Variants in SPIRE1 observed in about 807,000 individuals in gnomAD.
SPIRE1 encodes spire type actin nucleation factor 1.
In SPIRE1, 40 loss-of-function variants were observed where a neutral mutation model predicts 94.1. The ratio of observed to expected loss-of-function variants is 0.43; its 90% CI spans 0.33 to 0.55. SPIRE1 has a LOEUF of 0.55. Ranked by LOEUF, SPIRE1 falls within the 20% of genes least tolerant of loss-of-function variation. The probability of loss-of-function intolerance (pLI) is 0.06; values close to 1 mark genes in which losing one functional copy is unlikely to be tolerated. For synonymous variants in SPIRE1, 376 were observed against 371.7 expected (o/e 1.01, Z -0.13); for missense variants, 838 against 975.2 (o/e 0.86, Z 1.87).
intron 5 of SPIRE1, 85 bp downstream of exon 5, chr18:12,512,369 A>T: frequency 1.1e-6 from 1 of 947,578 alleles, no homozygotes; most frequent in Non-Finnish European, 1.6e-6. Flanking sequence ...CCTGAGCAAC[A>T]GAATGAGACT....
chr18:12,612,708 T>C (rs2037177632), intron 2 of SPIRE1, among the ~76,000 whole-genome samples: 1 of 152,210 alleles, frequency 6.6e-6, no homozygotes, highest in South Asian at 2.1e-4. Flanking sequence ...CTCCCCTGAC[T>C]ACATATCCTA....
chr18:12,563,204 A>AC (rs1472661806), intron 2 of SPIRE1, among the ~76,000 whole-genome samples: 1 of 145,594 alleles, frequency 6.9e-6, no homozygotes, highest in Non-Finnish European at 1.5e-5. Flanking sequence ...TTCTATACTC[A>AC]TTAAAAAAAA....
At chr18:12,474,732 T>C (rs1334993892) in intron 10 of SPIRE1, among the ~76,000 whole-genome samples, 2 of 152,006 alleles carry the variant, frequency 1.3e-5, no homozygotes, top group African/African-American at 2.4e-5. Context: ...TGAAGCAGAA[T>C]TGCTTGAACC....
intron 5 of SPIRE1, among the ~76,000 whole-genome samples, chr18:12,509,861 T>C (rs1169008614): frequency 6.6e-6 from 1 of 151,982 alleles, no homozygotes; most frequent in Non-Finnish European, 1.5e-5. Flanking sequence ...GGCGGGCGGA[T>C]CACCAGGTAG....
intron 2 of SPIRE1, among the ~76,000 whole-genome samples, chr18:12,575,418 T>C (rs2036069981): frequency 6.6e-6 from 1 of 152,192 alleles, no homozygotes; most frequent in Non-Finnish European, 1.5e-5. Context: ...CAGGGTGGGG[T>C]GCAGTAGCAT....
chr18:12,631,584 T>TAAAAAAA, intron 2 of SPIRE1, among the ~76,000 whole-genome samples: 1 of 73,386 alleles, frequency 1.4e-5, no homozygotes, highest in Non-Finnish European at 2.9e-5. Context: ...AACATAAAAA[T>TAAAAAAA]AAAAAAACAG....
At chr18:12,616,510 C>T (rs1313750820) in intron 2 of SPIRE1, among the ~76,000 whole-genome samples, 2 of 152,132 alleles carry the variant, frequency 1.3e-5, no homozygotes, top group African/African-American at 4.8e-5. Flanking sequence ...AGAGCAGCCA[C>T]AAGAGAAGAG....
At chr18:12,469,759 T>C (rs909279684) in intron 10 of SPIRE1, among the ~76,000 whole-genome samples, 1 of 145,280 alleles carries the variant, frequency 6.9e-6, no homozygotes, top group Non-Finnish European at 1.5e-5. Flanking sequence ...TAATTATATA[T>C]ATACACATAT....
chr18:12,474,485 C>T (rs2032483741), intron 10 of SPIRE1, among the ~76,000 whole-genome samples: 1 of 152,154 alleles, frequency 6.6e-6, no homozygotes, highest in African/African-American at 2.4e-5. Flanking sequence ...TGACACTGTA[C>T]TTCTGTGTAA....
At chr18:12,556,036 C>A (rs2035493963) in intron 2 of SPIRE1, among the ~76,000 whole-genome samples, 1 of 151,542 alleles carries the variant, frequency 6.6e-6, no homozygotes, top group African/African-American at 2.4e-5. Context: ...AGCAAACAAG[C>A]TGAAAAAGAA....
chr18:12,551,526 C>T (rs1446387720), intron 2 of SPIRE1, among the ~76,000 whole-genome samples: 1 of 151,998 alleles, frequency 6.6e-6, no homozygotes, highest in African/African-American at 2.4e-5. Flanking sequence ...ACGGAGAAAC[C>T]CTGTGTCTAC....
intron 2 of SPIRE1, among the ~76,000 whole-genome samples, chr18:12,569,147 T>C (rs1225486784): frequency 1.3e-5 from 2 of 152,156 alleles, no homozygotes; most frequent in Non-Finnish European, 2.9e-5. Context: ...GAGACCATCC[T>C]GGCTAACACG....
chr18:12,539,008 G>A (rs1257770771), intron 3 of SPIRE1, among the ~76,000 whole-genome samples: 5 of 152,078 alleles, frequency 3.3e-5, no homozygotes, highest in Admixed American at 6.5e-5. Context: ...AGTCTACATG[G>A]TTCTTCTTCA....
At chr18:12,469,666 TTA>T (rs539192402) in intron 10 of SPIRE1, among the ~76,000 whole-genome samples, 288 of 143,834 alleles carry the variant, frequency 2.0e-3, no homozygotes, top group Non-Finnish European at 3.0e-3. Flanking sequence ...TACATATAAT[TTA>T]TATATTATAT....
At chr18:12,514,453 A>ATT (rs370295067) in intron 4 of SPIRE1, among the ~76,000 whole-genome samples, 1 of 147,210 alleles carries the variant, frequency 6.8e-6, no homozygotes, top group Non-Finnish European at 1.5e-5. Context: ...GGAAAGAAGA[A>ATT]TTTTTTTTTT....
chr18:12,533,203 T>C (rs1228915302), intron 4 of SPIRE1, among the ~76,000 whole-genome samples: 1 of 152,058 alleles, frequency 6.6e-6, no homozygotes, highest in Non-Finnish European at 1.5e-5. Flanking sequence ...AGTCTTGGGG[T>C]GGTGACAGAG....
At chr18:12,495,945 G>A in intron 7 of SPIRE1, 71 bp downstream of exon 7, 1 of 1,192,962 alleles carries the variant, frequency 8.4e-7, no homozygotes, top group Non-Finnish European at 1.2e-6. Context: ...CTGAGTTCTA[G>A]AGATGACACC....
At chr18:12,544,916 T>C (rs2035118949) in intron 3 of SPIRE1, among the ~76,000 whole-genome samples, 1 of 152,160 alleles carries the variant, frequency 6.6e-6, no homozygotes, top group African/African-American at 2.4e-5. Context: ...CAGGGTTGAT[T>C]TTATGGATCT....
At chr18:12,653,887 A>C (rs553474130) in intron 1 of SPIRE1, among the ~76,000 whole-genome samples, 1 of 151,904 alleles carries the variant, frequency 6.6e-6, no homozygotes, top group Non-Finnish European at 1.5e-5. Flanking sequence ...CGGAAGTGGC[A>C]GTGAGCCAAG....
Sources: gnomAD v4.1 joint callset for allele counts (sites outside exome capture counted in the v4.1 genomes callset) on GRCh38, gnomAD v4.1.1 for gene constraint, MANE v1.5 for transcripts, NCBI Gene and HGNC (gene_info 2026-07-23, HGNC 2026-07-21) for gene names.